EPS8L3: variants seen among roughly 807,000 people sequenced by gnomAD.
EPS8L3 encodes the protein EPS8 signaling adaptor L3.
Under a neutral mutation model 88.5 loss-of-function variants are expected in EPS8L3, and 80 were observed. The observed-to-expected ratio is 0.90, with a 90% CI of 0.75 to 1.09. The LOEUF is 1.09. EPS8L3 is among the 50% of genes least tolerant of loss of function. EPS8L3 has a pLI of 0.00. For synonymous variants in EPS8L3, 286 were observed against 291.0 expected (o/e 0.98, Z 0.18); for missense variants, 721 against 735.2 (o/e 0.98, Z 0.22).
At chr1:109,760,044 C>CT (rs1177342704) in intron 3 of EPS8L3, 2 of 589,314 alleles carry the variant, frequency 3.4e-6, no homozygotes, top group East Asian at 5.8e-5. Context: ...GCCTCCAAGT[C>CT]TGAGTCTGAG....
At position 109,757,145 on chromosome 1, in the gene EPS8L3, C is replaced by G. The variant is rs754932330; in HGVS notation, c.990G>C (p.Glu330Asp). 2 of 1,612,460 alleles carry G rather than the reference C, an allele frequency of 1.2e-6. No individual in the cohort carries two copies. The highest frequency in any genetic ancestry group is 1.1e-5 in the South Asian group (1 of 90,868). ...AGATCACTTGGGCTGCTAGGCCAGC[C>G]TCAGGGCACCTGGCCAGGATCTAGG... is the stretch of plus-strand genomic sequence containing the variant. ...SLNFILARCP[E>D]AGLAAQVISP... is the part of the protein sequence containing the mutation. The change falls in exon 12 of 19, where the codon GAG becomes GAC. Residue 330 changes from glutamate (E) to aspartate (D), a missense_variant. Coordinates refer to ENST00000361965, the MANE Select transcript of EPS8L3 (RefSeq NM_133181.4).
Position 109,750,254 on chromosome 1 carries a change from T to G in EPS8L3, c.*137A>C. The G allele has an allele frequency of 1.9e-6, 2 of 1,071,672 alleles. No individual in the cohort carries two copies. The highest frequency in any genetic ancestry group is 2.8e-6 in the Non-Finnish European group (2 of 721,002). 66.4% of individuals were successfully genotyped at this position (1,071,672 alleles called of 1,614,324 possible). On this transcript the variant is annotated 3_prime_UTR_variant, in exon 19 of 19. Coordinates refer to ENST00000361965, the MANE Select transcript of EPS8L3 (RefSeq NM_133181.4). ...CTTCAGCCTCTGGGCCTGTCCATTG[T>G]TTTTGCTGTGTGAGCTGGGGTGTGG...
At position 109,750,152 on chromosome 1, in the gene EPS8L3, T is replaced by A; in HGVS notation, c.*239A>T. The A allele has an allele frequency of 1.7e-6, 1 of 586,064 alleles. No individual in the cohort carries two copies. Among genetic ancestry groups the A allele is most frequent in the Non-Finnish European group, 3.0e-6 (1 of 329,040 alleles). 36.3% of individuals were successfully genotyped at this position (586,064 alleles called of 1,614,324 possible). A position where few individuals can be genotyped will look rare whatever the true frequency, so the allele number is the denominator to read the frequency against. On this transcript the variant is annotated 3_prime_UTR_variant, in exon 19 of 19. Transcript: ENST00000361965. Reference sequence around the variant, plus strand: ...TCTTGACAAGCCTAGGCATAAATGCTCCAGGTTTGGGAAAGAGGTAAAATA... The same window carrying A: ...TCTTGACAAGCCTAGGCATAAATGCACCAGGTTTGGGAAAGAGGTAAAATA...
intron 12 of EPS8L3, among the ~76,000 whole-genome samples, chr1:109,756,426 C>T (rs753361623): frequency 1.4e-4 from 21 of 152,158 alleles, no homozygotes; most frequent in Non-Finnish European, 2.6e-4. Flanking sequence ...TTAGAAGAGA[C>T]GGGTTTTCAC....
chr1:109,759,728 T>G lies in EPS8L3; in HGVS notation c.205A>C (p.Ile69Leu). Reference sequence around the variant, plus strand: ...AGCCAGCCGTCCCTGACCTGCAGGATCAAGTCTTGGCTCCACACCCGGCCC... The same window carrying G: ...AGCCAGCCGTCCCTGACCTGCAGGAGCAAGTCTTGGCTCCACACCCGGCCC... ...AQGRVWSQDL[I>L]LQVRDGWLQL... Residue 69 changes from isoleucine to leucine, a missense_variant, in exon 4 of 19, where the codon ATC becomes CTC. Physicochemically the swap from Ile to Leu is conservative, Grantham distance 5. Transcript: ENST00000361965. This position sits in a 1 kb window ranked among gnomAD's most constrained non-coding sequence, Gnocchi z 4.2. 1.2e-6 allele frequency: 2 copies of G among 1,614,010 alleles called. No individual in the cohort carries two copies. The highest frequency in any genetic ancestry group is 1.7e-6 in the Non-Finnish European group (2 of 1,180,002).
At chr1:109,750,468 CA>C (rs1421244766) in intron 18 of EPS8L3, 66 bp from the exon 19 acceptor site, 1 of 1,598,810 alleles carries the variant, frequency 6.3e-7, no homozygotes, top group African/African-American at 1.3e-5. Flanking sequence ...CTTATGCCAC[CA>C]ATAAGCTTGG....
chr1:109,751,604 G>C (rs377414029), intron 16 of EPS8L3, 50 bp downstream of exon 16: 8 of 1,611,534 alleles, frequency 5.0e-6, no homozygotes, highest in African/African-American at 4.0e-5. Flanking sequence ...TCCCCACCCC[G>C]ACCTCCAACT....
chr1:109,756,195 G>T (rs1288505397), intron 12 of EPS8L3, among the ~76,000 whole-genome samples: 1 of 152,164 alleles, frequency 6.6e-6, no homozygotes, highest in African/African-American at 2.4e-5. Flanking sequence ...GCGTGCCCAA[G>T]CTGGTTCCTC....
chr1:109,759,144 AGTGTGTGTGTGTGTGTGTGTGT>A lies in EPS8L3; in HGVS notation c.406-49_406-28del, dbSNP rs3220009. 130 of 1,492,534 alleles carry A rather than the reference AGTGTGTGTGTGTGTGTGTGTGT, an allele frequency of 8.7e-5. 1 individual carries two copies. In the South Asian group the frequency reaches 1.3e-3, roughly 15 times the overall value. 92.5% of individuals were successfully genotyped at this position (1,492,534 alleles called of 1,614,324 possible). On this transcript the variant is annotated intron_variant, in intron 5 of 18. Coordinates refer to ENST00000361965, the MANE Select transcript of EPS8L3 (RefSeq NM_133181.4). This position sits in a 1 kb window ranked among gnomAD's most constrained non-coding sequence, Gnocchi z 4.2. Reference sequence around the variant, plus strand: ...TGGGAAGCAGCAGTCAGGCAGGCTAAGTGTGTGTGTGTGTGTGTGTGTGTGTGTGTGTGTGTGTGGTGGGGTG... The same window carrying A: ...TGGGAAGCAGCAGTCAGGCAGGCTAAGTGTGTGTGTGTGTGTGGTGGGGTG...
intron 12 of EPS8L3, 151 bp from the exon 13 acceptor site, chr1:109,753,349 C>A: frequency 1.6e-6 from 1 of 621,436 alleles, no homozygotes; most frequent in East Asian, 2.8e-5. Flanking sequence ...TGAAAGGCCC[C>A]AGGACACCCA....
In EPS8L3 at chr1:109,752,022, C is replaced by T; in HGVS notation, c.1407G>A (p.Leu469=). 6.2e-7 allele frequency: 1 copy of T among 1,611,746 alleles called. No individual in the cohort carries two copies. The highest frequency in any genetic ancestry group is 8.5e-7 in the Non-Finnish European group (1 of 1,178,516). ...CCAGCTTCTCTCCCTGGACCACAGT[C>T]AGTTCCCGTGGGTTCCTAGCTTCAA... ...YEFEARNPRE[L]TVVQGEKLEV... is the part of the protein sequence containing the mutation. The change falls in exon 15 of 19, where the codon CTG becomes CTA. Residue 469 remains leucine (L), a synonymous_variant. Coordinates refer to ENST00000361965, the MANE Select transcript of EPS8L3 (RefSeq NM_133181.4).
intron 1 of EPS8L3, 95 bp downstream of exon 1, chr1:109,763,727 A>G (rs1570715128): frequency 6.5e-6 from 1 of 152,952 alleles, no homozygotes; most frequent in Non-Finnish European, 1.5e-5. Context: ...CAGGCTGGAG[A>G]CCTGGCCTGG....
chr1:109,751,869 C>A (rs1488006542), intron 15 of EPS8L3, 87 bp from the exon 16 acceptor site: 16 of 1,586,038 alleles, frequency 1.0e-5, no homozygotes, highest in African/African-American at 8.1e-5. Flanking sequence ...CCAGCTCTTT[C>A]CTACCCTCCT....
chr1:109,757,246 C>T (rs1650373090), intron 11 of EPS8L3, 81 bp from the exon 12 acceptor site: 1 of 1,455,394 alleles, frequency 6.9e-7, no homozygotes, highest in Admixed American at 2.5e-5. Flanking sequence ...GAGTCCCTGG[C>T]TTCCCACTTT....
In EPS8L3 at chr1:109,751,693, C is replaced by T. The variant is rs1649806342; in HGVS notation, c.1524G>A (p.Gln508=). 1 of 1,613,894 alleles carries T rather than the reference C, an allele frequency of 6.2e-7. No homozygotes were observed. The highest frequency in any genetic ancestry group is 1.7e-5 in the Admixed American group (1 of 59,998). ...GGCCCTGGGTCCCAGGGGTCCCCGGCTGTAGGGGCTCCAGGATGTTGCTTG... is the reference window on the plus strand; with the variant it reads ...GGCCCTGGGTCCCAGGGGTCCCCGGTTGTAGGGGCTCCAGGATGTTGCTTG... ...YIPSNILEPL[Q]PGTPGTQGQS... is the part of the protein sequence containing the mutation. The change falls in exon 16 of 19, where the codon CAG becomes CAA. Residue 508 remains glutamine, a synonymous_variant. Coordinates refer to ENST00000361965, the MANE Select transcript of EPS8L3 (RefSeq NM_133181.4).
chr1:109,757,358 C>T (rs1570691495), intron 11 of EPS8L3, 123 bp downstream of exon 11: 2 of 1,162,416 alleles, frequency 1.7e-6, no homozygotes, highest in African/African-American at 3.0e-5. Context: ...GCTCTGACCC[C>T]AGCTCATCTG....
At chr1:109,758,149 G>T in intron 8 of EPS8L3, 91 bp from the exon 9 acceptor site, 2 of 1,315,810 alleles carry the variant, frequency 1.5e-6, no homozygotes, top group Non-Finnish European at 1.1e-6. Context: ...CCCACCACAA[G>T]CCCCAGCCTC....
In EPS8L3 at chr1:109,758,066, C is replaced by G; in HGVS notation, c.718-8G>C. 1.2e-6 allele frequency: 2 copies of G among 1,612,530 alleles called. No homozygotes were observed. Among genetic ancestry groups the G allele is most frequent in the Non-Finnish European group, 1.7e-6 (2 of 1,179,102 alleles). On this transcript the variant is annotated splice_polypyrimidine_tract_variant and splice_region_variant and intron_variant, in intron 8 of 18. Transcript: ENST00000361965. ...GACATGGTTCAGCACTTCCTGGGCCCCAAACAACCCATGGCCTTGAACGGG... is the reference window on the plus strand; with the variant it reads ...GACATGGTTCAGCACTTCCTGGGCCGCAAACAACCCATGGCCTTGAACGGG...
chr1:109,753,719 C>G (rs1219911615), intron 12 of EPS8L3, among the ~76,000 whole-genome samples: 3 of 152,188 alleles, frequency 2.0e-5, no homozygotes, highest in Non-Finnish European at 2.9e-5. Context: ...TCCCCCTCGC[C>G]CATTACACAG....
Sources: allele counts gnomAD v4.1 joint callset (sites outside exome capture counted in the v4.1 genomes callset), GRCh38; gene constraint gnomAD v4.1.1; non-coding constraint Gnocchi (gnomAD v3.1); transcripts MANE v1.5; gene names NCBI Gene and HGNC (gene_info 2026-07-23, HGNC 2026-07-21).